MGMT: variants seen among roughly 807,000 people sequenced by gnomAD.
The protein encoded by MGMT is methylated-DNA--protein-cysteine methyltransferase.
A neutral mutation model predicts 15.9 loss-of-function variants in MGMT; 14 were observed. That is an observed-to-expected ratio of 0.88 (90% confidence interval 0.58 to 1.37). The LOEUF (loss-of-function observed/expected upper bound fraction) is 1.37. Ranked by LOEUF, MGMT falls within the 40% of genes most tolerant of loss-of-function variation. MGMT has a pLI of 0.00. For synonymous variants in MGMT, 130 were observed against 118.2 expected, an observed-to-expected ratio of 1.10 and a Z score of -0.65; for missense variants, 282 against 268.1, an observed-to-expected ratio of 1.05 and a Z score of -0.36.
chr10:129,513,952 T>A (rs1293656096), intron 1 of MGMT, among the ~76,000 whole-genome samples: 1 of 152,228 alleles, frequency 6.6e-6, no homozygotes, highest in African/African-American at 2.4e-5. Flanking sequence ...TGCTTGCTAA[T>A]AGGTTAGGTT....
chr10:129,559,372 C>A (rs1846251910), intron 2 of MGMT, among the ~76,000 whole-genome samples: 1 of 152,044 alleles, frequency 6.6e-6, no homozygotes, highest in Non-Finnish European at 1.5e-5. Context: ...AGTTTGGGCC[C>A]TTGAGGGGTT....
At chr10:129,526,523 C>A (rs905810408) in intron 1 of MGMT, among the ~76,000 whole-genome samples, 5 of 152,112 alleles carry the variant, frequency 3.3e-5, no homozygotes, top group African/African-American at 4.8e-5. Context: ...TCCCTTTTAA[C>A]ATGTTCGTTT....
chr10:129,580,316 T>C (rs1846537248), intron 2 of MGMT, among the ~76,000 whole-genome samples: 1 of 152,026 alleles, frequency 6.6e-6, no homozygotes, highest in Non-Finnish European at 1.5e-5. Flanking sequence ...GCTTAAATGG[T>C]TTAATCTGAT....
intron 2 of MGMT, among the ~76,000 whole-genome samples, chr10:129,545,738 A>T (rs997526893): frequency 6.6e-6 from 1 of 152,170 alleles, no homozygotes; most frequent in African/African-American, 2.4e-5. Context: ...TATTCTTCCT[A>T]TATCTGTAAG....
At chr10:129,504,413 C>G (rs1188197528) in intron 1 of MGMT, among the ~76,000 whole-genome samples, 1 of 152,120 alleles carries the variant, frequency 6.6e-6, no homozygotes. Context: ...AAAAACTGTG[C>G]AGAAAATTTT....
intron 3 of MGMT, among the ~76,000 whole-genome samples, chr10:129,736,913 TTC>T (rs1848569602): frequency 2.0e-5 from 3 of 152,246 alleles, no homozygotes; most frequent in Non-Finnish European, 4.4e-5. Context: ...CTTGTAGAGT[TTC>T]TGCCAAGAGA....
chr10:129,658,097 T>A (rs1334546616), intron 2 of MGMT, among the ~76,000 whole-genome samples: 1 of 152,202 alleles, frequency 6.6e-6, no homozygotes. Flanking sequence ...TTTTTGCTTC[T>A]TTTCTTTTTC....
At chr10:129,613,852 C>T (rs1846990214) in intron 2 of MGMT, among the ~76,000 whole-genome samples, 1 of 152,218 alleles carries the variant, frequency 6.6e-6, no homozygotes, top group African/African-American at 2.4e-5. Flanking sequence ...AACCTGGATG[C>T]CTTTTGTGCC....
chr10:129,481,151 C>T (rs1845353707), intron 1 of MGMT, among the ~76,000 whole-genome samples: 1 of 152,222 alleles, frequency 6.6e-6, no homozygotes, highest in Admixed American at 6.5e-5. Context: ...CCCAGCATGG[C>T]TTCTGTGTTG....
chr10:129,747,374 G>C (rs554457871), intron 3 of MGMT, among the ~76,000 whole-genome samples: 2 of 152,062 alleles, frequency 1.3e-5, no homozygotes, highest in African/African-American at 2.4e-5. Context: ...TCTGTTCTTA[G>C]GTTGCTGAGA....
intron 2 of MGMT, among the ~76,000 whole-genome samples, chr10:129,572,484 A>T (rs1455144360): frequency 6.6e-6 from 1 of 152,154 alleles, no homozygotes; most frequent in Admixed American, 6.5e-5. Context: ...ACGTCCTCAG[A>T]GTGTCTTCTG....
chr10:129,701,213 A>G (rs572545121), intron 2 of MGMT: 3 of 152,340 alleles, frequency 2.0e-5, no homozygotes, highest in Admixed American at 2.0e-4. Context: ...AGGAACTCAG[A>G]GGAGCACCTG....
At chr10:129,492,648 TG>T (rs1398870842) in intron 1 of MGMT, among the ~76,000 whole-genome samples, 6 of 152,222 alleles carry the variant, frequency 3.9e-5, no homozygotes, top group Admixed American at 3.9e-4. Flanking sequence ...TTGTGTGGAC[TG>T]CCACGGTGCT....
chr10:129,676,842 G>A (rs1847791832), intron 2 of MGMT, among the ~76,000 whole-genome samples: 1 of 152,102 alleles, frequency 6.6e-6, no homozygotes, highest in South Asian at 2.1e-4. Context: ...AGAGAATTCT[G>A]TATAGCATAA....
At chr10:129,679,398 G>A (rs754509396) in intron 2 of MGMT, among the ~76,000 whole-genome samples, 1 of 152,016 alleles carries the variant, frequency 6.6e-6, no homozygotes, top group Non-Finnish European at 1.5e-5. Context: ...TCTGAGTCCC[G>A]GTGTTTCACA....
At chr10:129,578,018 A>G (rs1846506862) in intron 2 of MGMT, among the ~76,000 whole-genome samples, 1 of 152,252 alleles carries the variant, frequency 6.6e-6, no homozygotes, top group South Asian at 2.1e-4. Flanking sequence ...GCAATCATTA[A>G]AAAGTCAGGA....
intron 2 of MGMT, among the ~76,000 whole-genome samples, chr10:129,688,647 G>T (rs1847936834): frequency 6.6e-6 from 1 of 152,152 alleles, no homozygotes; most frequent in African/African-American, 2.4e-5. Context: ...TAGGTCGCCT[G>T]TTCCCTCTGA....
At chr10:129,635,433 CT>C (rs35032262) in intron 2 of MGMT, among the ~76,000 whole-genome samples, 1 of 152,242 alleles carries the variant, frequency 6.6e-6, no homozygotes, top group Non-Finnish European at 1.5e-5. Context: ...CAGTCGCAGC[CT>C]TTTCTTCCTT....
intron 1 of MGMT, among the ~76,000 whole-genome samples, chr10:129,473,374 G>A (rs144193603): frequency 6.6e-5 from 10 of 152,310 alleles, no homozygotes; most frequent in African/African-American, 1.7e-4. Flanking sequence ...TATTCTGGGC[G>A]TGCTGCGCTT....
Sources: allele counts gnomAD v4.1 joint callset (sites outside exome capture counted in the v4.1 genomes callset), GRCh38; gene constraint gnomAD v4.1.1; transcripts MANE v1.5; gene names NCBI Gene and HGNC (gene_info 2026-07-23, HGNC 2026-07-21).